CNTNAP2: variants seen among roughly 807,000 people sequenced by gnomAD.
The protein encoded by CNTNAP2 is contactin associated protein 2, also known as contactin-associated protein-like 2.
CNTNAP2 carries 98 observed loss-of-function variants against 155.2 expected under a neutral mutation model. That is an observed-to-expected ratio of 0.63 (90% CI 0.54 to 0.75). The LOEUF is 0.75. Among genes scored for constraint, CNTNAP2 ranks in the 30% least tolerant of loss-of-function variants. The pLI, the probability that CNTNAP2 is intolerant of heterozygous loss-of-function variation, is 0.00. For synonymous variants in CNTNAP2, 651 were observed against 631.2 expected (o/e 1.03, Z -0.47); for missense variants, 1,727 against 1,688.1 (o/e 1.02, Z -0.40).
intron 3 of CNTNAP2, among the ~76,000 whole-genome samples, chr7:146,887,614 A>C (rs1402084318): frequency 1.3e-5 from 2 of 151,734 alleles, no homozygotes; most frequent in Non-Finnish European, 2.9e-5. Context: ...AATTTCTTTC[A>C]GTAAGAAATT....
chr7:147,979,833 G>C (rs571331791), intron 15 of CNTNAP2, among the ~76,000 whole-genome samples: 5 of 152,164 alleles, frequency 3.3e-5, no homozygotes, highest in Admixed American at 3.3e-4. Context: ...ATGTTGGACA[G>C]ACTGGTCTCG....
At chr7:147,308,645 C>T (rs1277707848) in intron 9 of CNTNAP2, among the ~76,000 whole-genome samples, 1 of 152,146 alleles carries the variant, frequency 6.6e-6, no homozygotes, top group East Asian at 1.9e-4. Flanking sequence ...CACTGTGTTT[C>T]CCTGAAAATG....
At chr7:146,764,393 G>A (rs766828252) in intron 1 of CNTNAP2, among the ~76,000 whole-genome samples, 3 of 152,032 alleles carry the variant, frequency 2.0e-5, no homozygotes, top group Non-Finnish European at 2.9e-5. Context: ...TTTGTTGCAT[G>A]AAGTTATAAA....
rs68141872 is a variant in CNTNAP2, at chr7:148,088,434, GA to G, written c.2384-29675del. Among the ~76,000 whole-genome samples, 1,380 of 148,414 alleles carry G rather than the reference GA, an allele frequency of 9.3e-3. 28 individuals are homozygous for G. The highest frequency in any genetic ancestry group is 0.032 in the African/African-American group (1,300 of 40,612). Reference sequence around the variant, plus strand: ...ATCAATAAAATTTTGGCTAGACTAAGAAAAAAAAAGAGAAGACTCAAATAAA... The same window carrying G: ...ATCAATAAAATTTTGGCTAGACTAAGAAAAAAAAGAGAAGACTCAAATAAA... On this transcript the variant is annotated intron_variant, in intron 15 of 23. Coordinates refer to ENST00000361727, the MANE Select transcript of CNTNAP2 (RefSeq NM_014141.6).
intron 1 of CNTNAP2, among the ~76,000 whole-genome samples, chr7:146,701,698 GAATT>G (rs369833496): frequency 1.3e-5 from 2 of 151,930 alleles, no homozygotes; most frequent in Admixed American, 1.3e-4. Flanking sequence ...TGTATCTGAA[GAATT>G]AATAGTATGA....
At chr7:146,490,827 A>G (rs1797127300) in intron 1 of CNTNAP2, among the ~76,000 whole-genome samples, 1 of 152,202 alleles carries the variant, frequency 6.6e-6, no homozygotes, top group Non-Finnish European at 1.5e-5. Context: ...AAGATTTTCA[A>G]TGAGCAATAA....
At chr7:147,015,678 C>A (rs1798712411) in intron 3 of CNTNAP2, among the ~76,000 whole-genome samples, 1 of 151,994 alleles carries the variant, frequency 6.6e-6, no homozygotes, top group Non-Finnish European at 1.5e-5. Flanking sequence ...AAATTTCACA[C>A]ATCAGTTTTT....
chr7:147,564,773 C>T lies in CNTNAP2; in HGVS notation c.1897+2516C>T, dbSNP rs1396946544. 5.3e-5 allele frequency among the ~76,000 whole-genome samples: 8 copies of T among 152,162 alleles called. No homozygotes were observed. In the South Asian group the frequency reaches 1.7e-3, roughly 32 times the overall value. On this transcript the variant is annotated intron_variant, in intron 12 of 23. Coordinates refer to ENST00000361727, the MANE Select transcript of CNTNAP2 (RefSeq NM_014141.6). The stretch of plus-strand genomic sequence containing the variant: ...ATATCTCCCTTAAACAGCATGGCTG[C>T]AATTTAACTCAGCACTTCAAATGAC...
intron 3 of CNTNAP2, among the ~76,000 whole-genome samples, chr7:146,964,180 C>T (rs74637325): frequency 0.039 from 5,999 of 152,260 alleles, 141 homozygotes; most frequent in South Asian, 0.076. Flanking sequence ...ATCACTTCAT[C>T]ATGGTGTTAT....
At chr7:147,938,907 T>C (rs529097045) in intron 14 of CNTNAP2, among the ~76,000 whole-genome samples, 2 of 152,326 alleles carry the variant, frequency 1.3e-5, no homozygotes, top group African/African-American at 4.8e-5. Flanking sequence ...AGGCTACTCA[T>C]CACAGAGTCC....
intron 12 of CNTNAP2, among the ~76,000 whole-genome samples, chr7:147,571,069 A>G (rs1800279329): frequency 6.6e-6 from 1 of 152,162 alleles, no homozygotes; most frequent in Non-Finnish European, 1.5e-5. Flanking sequence ...CACATTTTAA[A>G]TGAAATCGAT....
At chr7:146,609,646 G>GT (rs1799102428) in intron 1 of CNTNAP2, among the ~76,000 whole-genome samples, 2 of 152,122 alleles carry the variant, frequency 1.3e-5, no homozygotes, top group Non-Finnish European at 2.9e-5. Context: ...TGGTAGAGGT[G>GT]TTTGTCCAAA....
intron 4 of CNTNAP2, among the ~76,000 whole-genome samples, chr7:147,059,835 C>T (rs892014594): frequency 1.3e-5 from 2 of 152,046 alleles, no homozygotes; most frequent in Admixed American, 1.3e-4. Context: ...GGCCTTTCTA[C>T]CAAAGCATGT....
rs1798992295 is a variant in CNTNAP2, at chr7:148,378,427, C to T, written c.3476-5222C>T. On this transcript the variant is annotated intron_variant, in intron 21 of 23. Transcript: ENST00000361727. ...CAGAACATCCAGGGACTTAGAGAGA[C>T]GTCAAACTCCTCCACAACAATGTTC... is the stretch of plus-strand genomic sequence containing the variant. Among the ~76,000 whole-genome samples the T allele has an allele frequency of 6.0e-5, 4 of 66,782 alleles. 2 individuals are homozygous for T. The highest frequency in any genetic ancestry group is 8.9e-4 in the East Asian group (2 of 2,248). The allele number at this position is 66,782 out of a possible 152,430, so 43.8% of individuals were successfully genotyped here.
intron 13 of CNTNAP2, among the ~76,000 whole-genome samples, chr7:147,747,942 AC>A (rs1352517229): frequency 2.0e-5 from 3 of 152,214 alleles, no homozygotes; most frequent in Admixed American, 6.5e-5. Flanking sequence ...GCACTGTGTG[AC>A]CCTGGCCTTG....
At chr7:146,538,409 C>A (rs1302357742) in intron 1 of CNTNAP2, among the ~76,000 whole-genome samples, 1 of 152,018 alleles carries the variant, frequency 6.6e-6, no homozygotes, top group Non-Finnish European at 1.5e-5. Context: ...ACCATGCATC[C>A]TAGAATCCAG....
intron 1 of CNTNAP2, among the ~76,000 whole-genome samples, chr7:146,723,550 C>T (rs1169161219): frequency 1.3e-5 from 2 of 152,068 alleles, no homozygotes; most frequent in Non-Finnish European, 2.9e-5. Flanking sequence ...TATATATAGC[C>T]AACGGTTACA....
At chr7:146,399,188 A>G (rs1001462938) in intron 1 of CNTNAP2, among the ~76,000 whole-genome samples, 1 of 152,156 alleles carries the variant, frequency 6.6e-6, no homozygotes, top group African/African-American at 2.4e-5. Flanking sequence ...TTTGGGGGGT[A>G]ATGAGAACAC....
At chr7:146,470,636 C>T (rs62503526) in intron 1 of CNTNAP2, among the ~76,000 whole-genome samples, 15,666 of 152,152 alleles carry the variant, frequency 0.1, 845 homozygotes, top group African/African-American at 0.12. Flanking sequence ...GTGGCACAGT[C>T]TCGGCTCACT....
Sources: allele counts gnomAD v4.1 joint callset (sites outside exome capture counted in the v4.1 genomes callset), GRCh38; gene constraint gnomAD v4.1.1; transcripts MANE v1.5; gene names NCBI Gene and HGNC (gene_info 2026-07-23, HGNC 2026-07-21).